The following CBX3 variants were observed in gnomAD, a reference collection of about 807,000 sequenced individuals.
CBX3 encodes chromobox protein homolog 3.
A neutral mutation model predicts 22.6 loss-of-function variants in CBX3; 5 were observed. The observed-to-expected ratio is 0.22, with a 90% CI of 0.12 to 0.47. The LOEUF is 0.47. Among genes scored for constraint, CBX3 ranks in the 20% least tolerant of loss-of-function variants. The probability of loss-of-function intolerance (pLI) is 0.99; values close to 1 mark genes in which losing one functional copy is unlikely to be tolerated. For synonymous variants in CBX3, 50 were observed against 66.6 expected, an observed-to-expected ratio of 0.75 and a Z score of 1.21; for missense variants, 83 against 208.1, an observed-to-expected ratio of 0.40 and a Z score of 3.70.
chr7:26,201,709 C>T (rs1424615828), upstream of CBX3: 1 of 116,062 alleles, frequency 8.6e-6, no homozygotes, highest in African/African-American at 3.1e-5. Context: ...ACCCCTCCCC[C>T]CGGCGGCCCC....
Position 26,201,806 on chromosome 7 carries a change from G to A in CBX3, c.-49G>A, listed in dbSNP as rs529833280. On this transcript the variant is annotated 5_prime_UTR_variant, in exon 1 of 6. Coordinates refer to ENST00000396386, the MANE Select transcript of CBX3 (RefSeq NM_016587.4). ...GGAGACGCTGCAGACCCGCGACCCG[G>A]AGCAGCTCGGAGGCGGTGAAGTCGG... 3.0e-5 allele frequency: 7 copies of A among 232,032 alleles called. No individual in the cohort carries two copies. Among genetic ancestry groups the A allele is most frequent in the African/African-American group, 1.4e-4 (6 of 43,544 alleles). 14.4% of individuals were successfully genotyped at this position (232,032 alleles called of 1,614,324 possible). A position where few individuals can be genotyped will look rare whatever the true frequency, so the allele number is the denominator to read the frequency against.
At chr7:26,203,186 G>A (rs775649103) in intron 2 of CBX3, among the ~76,000 whole-genome samples, 164 bp downstream of exon 2, 1 of 152,154 alleles carries the variant, frequency 6.6e-6, no homozygotes, top group Admixed American at 6.6e-5. Context: ...ATTCATTACA[G>A]GGAGATACTG....
At chr7:26,206,536 T>C in intron 3 of CBX3, 26 bp downstream of exon 3, 1 of 1,607,780 alleles carries the variant, frequency 6.2e-7, no homozygotes, top group Non-Finnish European at 8.5e-7. Context: ...GCATCTTTAC[T>C]ATATGTTTAA....
Position 26,212,877 on chromosome 7 carries a change from A to G in CBX3, c.*669A>G, listed in dbSNP as rs534280361. The G allele has an allele frequency of 6.6e-6, 1 of 152,412 alleles. No individual in the cohort carries two copies. Among genetic ancestry groups the G allele is most frequent in the South Asian group, 2.1e-4 (1 of 4,834 alleles). 9.4% of individuals were successfully genotyped at this position (152,412 alleles called of 1,614,324 possible). On this transcript the variant is annotated 3_prime_UTR_variant, in exon 6 of 6. Transcript: ENST00000396386. ...CAAAATTCCTAAAAGGAAAAATTTTATCACTGCCATCACAGCAGGTTTCCT... is the reference window on the plus strand; with the variant it reads ...CAAAATTCCTAAAAGGAAAAATTTTGTCACTGCCATCACAGCAGGTTTCCT...
rs1484818331 is a variant in CBX3, at chr7:26,213,375, T to A, written c.*1167T>A. The A allele has an allele frequency of 8.5e-6, 1 of 117,718 alleles. No homozygotes were observed. Among genetic ancestry groups the A allele is most frequent in the East Asian group, 2.5e-4 (1 of 4,036 alleles). The allele number at this position is 117,718 out of a possible 1,614,324, so 7.3% of individuals were successfully genotyped here. On this transcript the variant is annotated 3_prime_UTR_variant, in exon 6 of 6. Coordinates refer to ENST00000396386, the MANE Select transcript of CBX3 (RefSeq NM_016587.4). ...TATGCAATTATTAGACTTTTTTCTT[T>A]ATTTGATATGCCTTTACAGTAGAAA...
At position 26,209,491 on chromosome 7, in the gene CBX3, A is replaced by C. The variant is rs993116423; in HGVS notation, c.330+936A>C. On this transcript the variant is annotated intron_variant, in intron 4 of 5. Transcript: ENST00000396386. Reference sequence around the variant, plus strand: ...TATCGAAAGCCTTTGCACTACAGTAAGAACAACGCAAATAGAACTTTCTGA... The same window carrying C: ...TATCGAAAGCCTTTGCACTACAGTACGAACAACGCAAATAGAACTTTCTGA... Among the ~76,000 whole-genome samples the C allele has an allele frequency of 5.3e-5, 8 of 152,356 alleles. No individual in the cohort carries two copies. The South Asian group carries it at 1.7e-3, about 32-fold the overall frequency.
At chr7:26,205,648 C>T (rs1006870841) in intron 2 of CBX3, among the ~76,000 whole-genome samples, 1 of 152,138 alleles carries the variant, frequency 6.6e-6, no homozygotes, top group African/African-American at 2.4e-5. Context: ...CTTTTACCAT[C>T]TGGGGGTGGA....
intron 2 of CBX3, among the ~76,000 whole-genome samples, chr7:26,203,685 A>G (rs1784605351): frequency 6.6e-6 from 1 of 152,196 alleles, no homozygotes; most frequent in South Asian, 2.1e-4. Flanking sequence ...AAATCATGAA[A>G]TTCAAAGTTA....
chr7:26,212,013 A>G, intron 5 of CBX3, 69 bp from the exon 6 acceptor site: 2 of 1,361,318 alleles, frequency 1.5e-6, no homozygotes, highest in Non-Finnish European at 1.9e-6. Context: ...ATTATTTCTT[A>G]AATGAATGGC....
At position 26,212,624 on chromosome 7, in the gene CBX3, T is replaced by C. The variant is rs1411611996; in HGVS notation, c.*416T>C. 6.6e-6 allele frequency: 1 copy of C among 152,008 alleles called. No homozygotes were observed. Among genetic ancestry groups the C allele is most frequent in the Admixed American group, 6.6e-5 (1 of 15,266 alleles). The allele number at this position is 152,008 out of a possible 1,614,324, so 9.4% of individuals were successfully genotyped here. ...TGTGTGTGTGTGTGTATCCATAAAA[T>C]GCATATGTAAATTTTTTTTTGTTTT... On this transcript the variant is annotated 3_prime_UTR_variant, in exon 6 of 6. Coordinates refer to ENST00000396386, the MANE Select transcript of CBX3 (RefSeq NM_016587.4).
intron 4 of CBX3, chr7:26,210,094 A>G (rs771618869): frequency 6.6e-6 from 1 of 152,196 alleles, no homozygotes; most frequent in African/African-American, 2.4e-5. Context: ...GTTGGAGGCC[A>G]GTTTGGGCAA....
In CBX3 at chr7:26,208,488, G is replaced by C; in HGVS notation, c.263G>C (p.Gly88Ala). 1 of 1,613,704 alleles carries C rather than the reference G, an allele frequency of 6.2e-7. No homozygotes were observed. Among genetic ancestry groups the C allele is most frequent in the South Asian group, 1.1e-5 (1 of 91,038 alleles). ...NSQKAGKEKD[G>A]TKRKSLSDSE... ...CAGAAAGCTGGCAAAGAAAAAGATG[G>C]TACAAAAAGAAAATCTTTATCTGAC... is the stretch of plus-strand genomic sequence containing the variant. Residue 88 changes from glycine to alanine, a missense_variant, in exon 4 of 6, where the codon GGT (glycine) becomes GCT (alanine). Transcript: ENST00000396386.
intron 3 of CBX3, 146 bp from the exon 4 acceptor site, chr7:26,208,247 G>A: frequency 3.6e-6 from 2 of 548,216 alleles, no homozygotes; most frequent in Admixed American, 3.2e-5. Flanking sequence ...GGGGGGTGGG[G>A]TAATGTAGGG....
intron 3 of CBX3, among the ~76,000 whole-genome samples, chr7:26,207,361 G>A (rs1411245622): frequency 1.3e-5 from 2 of 152,132 alleles, no homozygotes; most frequent in Non-Finnish European, 2.9e-5. Flanking sequence ...TGTGTCGTAA[G>A]TCCCTTCTTT....
chr7:26,203,958 G>T (rs1309660914), intron 2 of CBX3, among the ~76,000 whole-genome samples: 1 of 152,128 alleles, frequency 6.6e-6, no homozygotes, highest in Non-Finnish European at 1.5e-5. Context: ...ATAGCCTTTG[G>T]GGTCTGTTAT....
At chr7:26,207,570 G>A (rs1784708221) in intron 3 of CBX3, among the ~76,000 whole-genome samples, 1 of 152,096 alleles carries the variant, frequency 6.6e-6, no homozygotes, top group Non-Finnish European at 1.5e-5. Context: ...CCAGGCTGGA[G>A]TGCAGTGGCG....
At chr7:26,205,409 G>A (rs1039963493) in intron 2 of CBX3, among the ~76,000 whole-genome samples, 1 of 152,040 alleles carries the variant, frequency 6.6e-6, no homozygotes, top group Non-Finnish European at 1.5e-5. Context: ...TTGTAATGTT[G>A]GTCTCTTGAA....
intron 2 of CBX3, among the ~76,000 whole-genome samples, chr7:26,205,335 A>G (rs867101804): frequency 7.2e-5 from 11 of 152,210 alleles, no homozygotes; most frequent in Middle Eastern, 3.2e-3. Context: ...GGTTACCAGT[A>G]TAGACTTTCT....
chr7:26,205,004 G>T (rs1242203131), intron 2 of CBX3, among the ~76,000 whole-genome samples: 1 of 152,054 alleles, frequency 6.6e-6, no homozygotes, highest in Non-Finnish European at 1.5e-5. Flanking sequence ...GGTCAGGCTG[G>T]TCTCAAACTC....
Sources: gnomAD v4.1 joint callset for allele counts (sites outside exome capture counted in the v4.1 genomes callset) on GRCh38, gnomAD v4.1.1 for gene constraint, MANE v1.5 for transcripts, NCBI Gene and HGNC (gene_info 2026-07-23, HGNC 2026-07-21) for gene names.